SLC13A1: variants seen among roughly 807,000 people sequenced by gnomAD.
SLC13A1 encodes solute carrier family 13 member 1, also known as Na(+)/sulfate cotransporter.
A neutral mutation model predicts 70.0 loss-of-function variants in SLC13A1; 65 were observed. The observed-to-expected ratio is 0.93, with a 90% CI of 0.76 to 1.14. SLC13A1 has a LOEUF of 1.14. Ranked by LOEUF, SLC13A1 falls within the 50% of genes most tolerant of loss-of-function variation. The pLI, the probability that SLC13A1 is intolerant of heterozygous loss-of-function variation, is 0.00. For missense variants in SLC13A1, 726 were observed against 717.8 expected (o/e 1.01, Z -0.13); for synonymous variants, 275 against 250.5 (o/e 1.10, Z -0.92).
chr7:123,141,414 C>G (rs535168270), intron 7 of SLC13A1, among the ~76,000 whole-genome samples: 5 of 152,116 alleles, frequency 3.3e-5, no homozygotes, highest in Non-Finnish European at 5.9e-5. Context: ...CTGTAAATAT[C>G]TATTAGATCC....
intron 7 of SLC13A1, among the ~76,000 whole-genome samples, chr7:123,145,206 T>A (rs1006529285): frequency 6.6e-6 from 1 of 152,178 alleles, no homozygotes; most frequent in African/African-American, 2.4e-5. Context: ...TTATGGCATT[T>A]AATTAATTCA....
At chr7:123,116,447 G>A (rs965437880) in intron 14 of SLC13A1, among the ~76,000 whole-genome samples, 3 of 152,146 alleles carry the variant, frequency 2.0e-5, no homozygotes, top group African/African-American at 7.2e-5. Flanking sequence ...AATATCATTT[G>A]CCTTTTTACA....
chr7:123,187,313 AT>A (rs1795835105), intron 1 of SLC13A1, among the ~76,000 whole-genome samples: 1 of 152,162 alleles, frequency 6.6e-6, no homozygotes, highest in Non-Finnish European at 1.5e-5. Flanking sequence ...AAATTAAAAA[AT>A]ATATATATTA....
intron 6 of SLC13A1, among the ~76,000 whole-genome samples, chr7:123,159,448 T>C (rs1794814077): frequency 6.6e-6 from 1 of 152,184 alleles, no homozygotes; most frequent in African/African-American, 2.4e-5. Flanking sequence ...GAAGGTAGCC[T>C]TGTACAAGCC....
chr7:123,117,532 G>C lies in SLC13A1; in HGVS notation c.1589C>G (p.Pro530Arg), dbSNP rs771366135. ...TLCTSFAFLL[P>R]VANPPNAIVF... The stretch of plus-strand genomic sequence containing the variant: ...AATAGCATTGGGTGGATTTGCTACT[G>C]GTAGGAGGAATGCAAATGAAGTACA... The change falls in exon 14 of 15, where the codon CCA (proline) becomes CGA (arginine). Residue 530 changes from proline to arginine, a missense_variant. Transcript: ENST00000194130. 6.2e-7 allele frequency: 1 copy of C among 1,612,172 alleles called. No individual in the cohort carries two copies. The highest frequency in any genetic ancestry group is 8.5e-7 in the Non-Finnish European group (1 of 1,178,596).
chr7:123,174,601 C>T (rs1439653774), intron 2 of SLC13A1, among the ~76,000 whole-genome samples: 1 of 152,006 alleles, frequency 6.6e-6, no homozygotes, highest in Non-Finnish European at 1.5e-5. Flanking sequence ...TTTTCTGATC[C>T]ACTCCATACC....
In SLC13A1 at chr7:123,114,355, C is replaced by T. The variant is rs1793113071; in HGVS notation, c.*1163G>A. The T allele has an allele frequency of 6.6e-6, 1 of 152,012 alleles. No homozygotes were observed. The highest frequency in any genetic ancestry group is 1.5e-5 in the Non-Finnish European group (1 of 67,992). The allele number at this position is 152,012 out of a possible 1,614,324, so 9.4% of individuals were successfully genotyped here. On this transcript the variant is annotated 3_prime_UTR_variant, in exon 15 of 15. Coordinates refer to ENST00000194130, the MANE Select transcript of SLC13A1 (RefSeq NM_022444.4). ...TGTCTACAATGTGTAATTGTCACATCAGGGTAATTGGAAACTCATTCTTTT... is the reference window on the plus strand; with the variant it reads ...TGTCTACAATGTGTAATTGTCACATTAGGGTAATTGGAAACTCATTCTTTT...
intron 14 of SLC13A1, 57 bp from the exon 15 acceptor site, chr7:123,115,712 A>G: frequency 6.3e-7 from 1 of 1,583,408 alleles, no homozygotes; most frequent in Non-Finnish European, 8.6e-7. Flanking sequence ...ACAGGAGATT[A>G]GAATCCTATT....
At chr7:123,144,298 G>C (rs1209312267) in intron 7 of SLC13A1, among the ~76,000 whole-genome samples, 1 of 152,094 alleles carries the variant, frequency 6.6e-6, no homozygotes. Flanking sequence ...CATAGAAATG[G>C]GTCTGATCAT....
At chr7:123,127,884 A>G (rs958413797) in intron 10 of SLC13A1, among the ~76,000 whole-genome samples, 53 of 139,148 alleles carry the variant, frequency 3.8e-4, no homozygotes, top group African/African-American at 1.4e-3. Flanking sequence ...GATTTGAGAC[A>G]GGAAGTCCAA....
At chr7:123,137,555 G>C (rs1325970778) in intron 7 of SLC13A1, among the ~76,000 whole-genome samples, 1 of 152,144 alleles carries the variant, frequency 6.6e-6, no homozygotes, top group African/African-American at 2.4e-5. Context: ...TAGAAGCTGA[G>C]AGTGACCCCA....
At chr7:123,125,696 T>C in intron 10 of SLC13A1, 21 bp from the exon 11 acceptor site, 1 of 1,549,820 alleles carries the variant, frequency 6.5e-7, no homozygotes, top group Non-Finnish European at 8.9e-7. Flanking sequence ...GACAAATACA[T>C]GTATTAAAAA....
chr7:123,155,034 G>A (rs578074900), intron 6 of SLC13A1, among the ~76,000 whole-genome samples: 11 of 152,116 alleles, frequency 7.2e-5, no homozygotes, highest in Non-Finnish European at 1.6e-4. Flanking sequence ...TCCTTTGTAA[G>A]GAATTAGTGT....
At chr7:123,183,617 A>G (rs1470101912) in intron 1 of SLC13A1, among the ~76,000 whole-genome samples, 1 of 152,188 alleles carries the variant, frequency 6.6e-6, no homozygotes, top group East Asian at 1.9e-4. Context: ...TGCCTGGTCC[A>G]TGAACCAGCA....
chr7:123,129,767 CA>C (rs1289986926), intron 8 of SLC13A1, among the ~76,000 whole-genome samples: 6 of 151,936 alleles, frequency 3.9e-5, no homozygotes, highest in African/African-American at 9.7e-5. Flanking sequence ...TTCCTTTTTC[CA>C]AGTTATTTTG....
chr7:123,141,596 C>T (rs1198299163), intron 7 of SLC13A1, among the ~76,000 whole-genome samples: 1 of 151,944 alleles, frequency 6.6e-6, no homozygotes, highest in East Asian at 1.9e-4. Context: ...GCTTTATATA[C>T]CTGGGAGCTC....
In SLC13A1 at chr7:123,148,532, T is replaced by C. The variant is rs1171284843; in HGVS notation, c.661-1222A>G. On this transcript the variant is annotated intron_variant, in intron 6 of 14. Coordinates refer to ENST00000194130, the MANE Select transcript of SLC13A1 (RefSeq NM_022444.4). ...GCAACTTCATTCTTTTTCTCACCCA[T>C]GACCCTGTAAACACCCTTTGTTGGT... The C allele has an allele frequency of 6.6e-6, 3 of 451,720 alleles. No individual in the cohort carries two copies. In the East Asian group the frequency reaches 2.1e-4, roughly 32 times the overall value. 28.0% of individuals were successfully genotyped at this position (451,720 alleles called of 1,614,324 possible). A position where few individuals can be genotyped will look rare whatever the true frequency, so the allele number is the denominator to read the frequency against.
At position 123,115,447 on chromosome 7, in the gene SLC13A1, A is replaced by G. The variant is rs1793147096; in HGVS notation, c.*71T>C. ...TAAATGTGTGTCATTAGTTATTTAG[A>G]GCCACATTTTACAGTCAATCATTAA... On this transcript the variant is annotated 3_prime_UTR_variant, in exon 15 of 15. Coordinates refer to ENST00000194130, the MANE Select transcript of SLC13A1 (RefSeq NM_022444.4). 5 of 1,491,076 alleles carry G rather than the reference A, an allele frequency of 3.4e-6. No individual in the cohort carries two copies. The highest frequency in any genetic ancestry group is 4.6e-6 in the Non-Finnish European group (5 of 1,082,588). The allele number at this position is 1,491,076 out of a possible 1,614,324, so 92.4% of individuals were successfully genotyped here. A position where few individuals can be genotyped will look rare whatever the true frequency, so the allele number is the denominator to read the frequency against.
At chr7:123,189,184 AT>A (rs1278767596) in intron 1 of SLC13A1, among the ~76,000 whole-genome samples, 1 of 151,718 alleles carries the variant, frequency 6.6e-6, no homozygotes, top group Non-Finnish European at 1.5e-5. Flanking sequence ...TAAGATTAAA[AT>A]TTTTTCAAGT....
Sources: gnomAD v4.1 joint callset for allele counts (sites outside exome capture counted in the v4.1 genomes callset) on GRCh38, gnomAD v4.1.1 for gene constraint, MANE v1.5 for transcripts, NCBI Gene and HGNC (gene_info 2026-07-23, HGNC 2026-07-21) for gene names.